Variants in TERT observed in about 807,000 individuals in gnomAD.
TERT encodes the protein telomerase reverse transcriptase.
TERT carries 42 observed loss-of-function variants against 104.0 expected under a neutral mutation model. The ratio of observed to expected loss-of-function variants is 0.40; its 90% CI spans 0.32 to 0.52. The LOEUF (loss-of-function observed/expected upper bound fraction) is 0.52. Among genes scored for constraint, TERT ranks in the 20% least tolerant of loss-of-function variants. The pLI, the probability that TERT is intolerant of heterozygous loss-of-function variation, is 0.43. For synonymous variants in TERT, 781 were observed against 725.6 expected, an observed-to-expected ratio of 1.08 and a Z score of -1.23; for missense variants, 1,101 against 1,610.3, an observed-to-expected ratio of 0.68 and a Z score of 5.41.
chr5:1,286,361 CG>C lies in TERT; in HGVS notation c.1574-3738del, dbSNP rs1250492115. ...CGGCGGGCCTGAGACAGAAGACAGACGGGGAACAAAGGAGGAAAAGCAGGGC... is the reference window on the plus strand; with the variant it reads ...CGGCGGGCCTGAGACAGAAGACAGACGGGAACAAAGGAGGAAAAGCAGGGC... On this transcript the variant is annotated intron_variant, in intron 2 of 15. Coordinates refer to ENST00000310581, the MANE Select transcript of TERT (RefSeq NM_198253.3). This position sits in a 1 kb window ranked among gnomAD's most constrained non-coding sequence, Gnocchi z 5.3. Among the ~76,000 whole-genome samples, 3 of 152,154 alleles carry C rather than the reference CG, an allele frequency of 2.0e-5. No individual in the cohort carries two copies. In the East Asian group the frequency reaches 5.8e-4, roughly 29 times the overall value.
intron 12 of TERT, among the ~76,000 whole-genome samples, chr5:1,259,214 AGG>A: frequency 7.9e-6 from 1 of 126,984 alleles, no homozygotes; most frequent in Non-Finnish European, 1.6e-5. Flanking sequence ...CACACAGGAG[AGG>A]GAGTGGACGT....
chr5:1,289,306 AC>A (rs1750706182), intron 2 of TERT, among the ~76,000 whole-genome samples: 1 of 141,934 alleles, frequency 7.0e-6, no homozygotes, highest in South Asian at 2.3e-4. Flanking sequence ...CGCCTCACTC[AC>A]CCTACACGTG....
Position 1,294,806 on chromosome 5 carries a change from C to T in TERT, c.184G>A (p.Ala62Thr). The T allele has an allele frequency of 6.6e-7, 1 of 1,516,104 alleles. No homozygotes were observed. The highest frequency in any genetic ancestry group is 8.8e-7 in the Non-Finnish European group (1 of 1,140,002). 93.9% of individuals were successfully genotyped at this position (1,516,104 alleles called of 1,614,324 possible). A position where few individuals can be genotyped will look rare whatever the true frequency, so the allele number is the denominator to read the frequency against. The change falls in exon 1 of 16, where the codon GCA (alanine) becomes ACA (threonine). Residue 62 changes from alanine (A) to threonine (T), a missense_variant. Around this residue, in one of 5 missense-constraint regions of TERT, gnomAD observed 87 missense variants for 145.4 expected, o/e 0.60. Transcript: ENST00000310581. ...AQCLVCVPWD[A>T]RPPPAAPSFR... ...GAGGGGGCGGCGGGGGGCGGCCGTGCGTCCCAGGGCACGCACACCAGGCAC... is the reference window on the plus strand; with the variant it reads ...GAGGGGGCGGCGGGGGGCGGCCGTGTGTCCCAGGGCACGCACACCAGGCAC...
chr5:1,254,330 G>C (rs367572214), intron 15 of TERT, 38 bp downstream of exon 15: 1 of 1,612,504 alleles, frequency 6.2e-7, no homozygotes, highest in African/African-American at 1.3e-5. Context: ...ATGACCCCTG[G>C]GCAGGTGGGG....
intron 13 of TERT, among the ~76,000 whole-genome samples, chr5:1,258,220 A>G (rs1747890936): frequency 6.6e-6 from 1 of 152,078 alleles, no homozygotes; most frequent in Admixed American, 6.5e-5. Flanking sequence ...TGAGACCCCA[A>G]ATCCTCCGGG....
In TERT at chr5:1,293,570, T is replaced by C. The variant is rs1274553829; in HGVS notation, c.1316A>G (p.Glu439Gly). ...EKPQGSVAAP[E>G]EEDTDPRRLV... ...GCGACGGGGGTCTGTGTCCTCCTCC[T>C]CGGGGGCCGCCACAGAGCCCTGGGG... is the stretch of plus-strand genomic sequence containing the variant. The change falls in exon 2 of 16, where the codon GAG (glutamate) becomes GGG (glycine). Residue 439 changes from glutamate (E) to glycine (G), a missense_variant. Glu to Gly is a moderately conservative substitution (Grantham distance 98, BLOSUM62 -2). Around this residue, in one of 5 missense-constraint regions of TERT, gnomAD observed 504 missense variants for 544.6 expected, o/e 0.93. Coordinates refer to ENST00000310581, the MANE Select transcript of TERT (RefSeq NM_198253.3). 1 of 1,545,604 alleles carries C rather than the reference T, an allele frequency of 6.5e-7. No homozygotes were observed.
chr5:1,276,507 A>AT, intron 6 of TERT, among the ~76,000 whole-genome samples: 1 of 150,452 alleles, frequency 6.6e-6, no homozygotes, highest in Non-Finnish European at 1.5e-5. Context: ...TACCCCACAC[A>AT]AGAAAACCAA....
Position 1,290,865 on chromosome 5 carries a change from G to A in TERT, c.1573+2448C>T, listed in dbSNP as rs371500381. Among the ~76,000 whole-genome samples, 98 of 51,026 alleles carry A rather than the reference G, an allele frequency of 1.9e-3. 2 individuals are homozygous for A. The highest frequency in any genetic ancestry group is 0.012 in the Middle Eastern group (1 of 86). 33.5% of individuals were successfully genotyped at this position (51,026 alleles called of 152,430 possible). Reference sequence around the variant, plus strand: ...CCGGGGGCCGCGCCTCACTCACCCTGCACGTGACAGGGACACCCGGGGGCC... The same window carrying A: ...CCGGGGGCCGCGCCTCACTCACCCTACACGTGACAGGGACACCCGGGGGCC... On this transcript the variant is annotated intron_variant, in intron 2 of 15. Transcript: ENST00000310581.
intron 6 of TERT, among the ~76,000 whole-genome samples, chr5:1,278,146 C>A (rs1034928524): frequency 6.6e-6 from 1 of 152,214 alleles, no homozygotes; most frequent in Non-Finnish European, 1.5e-5. Flanking sequence ...AAGGCCCAGC[C>A]CTGTGACAGG....
intron 2 of TERT, among the ~76,000 whole-genome samples, chr5:1,284,471 G>A (rs62332581): frequency 0.016 from 327 of 20,550 alleles, no homozygotes; most frequent in East Asian, 0.053. Flanking sequence ...GGCACCATCC[G>A]GACTCCATAC....
rs1240646657 is a variant in TERT, at chr5:1,294,005, T to A, written c.881A>T (p.His294Leu). The change falls in exon 2 of 16, where the codon CAC (histidine) becomes CTC (leucine). Residue 294 changes from histidine (H) to leucine (L), a missense_variant. His to Leu is a moderately conservative substitution (Grantham distance 99). Transcript: ENST00000310581. ...CTGGCGGCCCACGGATGGGTGGGAG[T>A]GGCGCGTGCCAGAGAGCGCACCCTC... ...SLEGALSGTR[H>L]SHPSVGRQHH... The A allele has an allele frequency of 6.3e-7, 1 of 1,579,738 alleles. No homozygotes were observed. The highest frequency in any genetic ancestry group is 8.6e-7 in the Non-Finnish European group (1 of 1,166,166).
rs953771214 is a variant in TERT, at chr5:1,288,938, G to A, written c.1573+4375C>T. Among the ~76,000 whole-genome samples the A allele has an allele frequency of 3.3e-5, 5 of 152,184 alleles. No homozygotes were observed. The highest frequency in any genetic ancestry group is 7.2e-5 in the African/African-American group (3 of 41,432). On this transcript the variant is annotated intron_variant, in intron 2 of 15. Coordinates refer to ENST00000310581, the MANE Select transcript of TERT (RefSeq NM_198253.3). The surrounding 1 kb of genome is among the most constrained non-coding windows in gnomAD (Gnocchi z 5.3). Reference sequence around the variant, plus strand: ...AACGGAGAGGTGACCAAGAAGAGCCGAGCATCAGAAAAGATAGGCTTGGGG... The same window carrying A: ...AACGGAGAGGTGACCAAGAAGAGCCAAGCATCAGAAAAGATAGGCTTGGGG...
In TERT at chr5:1,270,037, C is replaced by CGTGGTGGCTTCTCTGGG. The variant is rs1240979765; in HGVS notation, c.2468+1065_2468+1081dup. On this transcript the variant is annotated intron_variant, in intron 8 of 15. Transcript: ENST00000310581. This position sits in a 1 kb window ranked among gnomAD's most constrained non-coding sequence, Gnocchi z 8.3. ...AAAATTCACGACCACGAAGGAGGCC[C>CGTGGTGGCTTCTCTGGG]GTGGTGGCTTCTCTGGGGAGGTGAC... Among the ~76,000 whole-genome samples the CGTGGTGGCTTCTCTGGG allele has an allele frequency of 6.6e-5, 10 of 152,080 alleles. No individual in the cohort carries two copies. The highest frequency in any genetic ancestry group is 2.2e-4 in the African/African-American group (9 of 41,422).
intron 15 of TERT, 65 bp downstream of exon 15, chr5:1,254,303 A>C: frequency 6.2e-7 from 1 of 1,609,406 alleles, no homozygotes; most frequent in South Asian, 1.1e-5. Flanking sequence ...TGCTCGCCCC[A>C]CACAGGGCGT....
chr5:1,258,502 A>T, intron 13 of TERT, 96 bp downstream of exon 13: 4 of 1,152,890 alleles, frequency 3.5e-6, no homozygotes, highest in Non-Finnish European at 5.1e-6. Flanking sequence ...CTTGCCCCTA[A>T]AACCCAGGAG....
At position 1,293,373 on chromosome 5, in the gene TERT, G is replaced by A; in HGVS notation, c.1513C>T (p.Leu505=). Residue 505 remains leucine (L), a synonymous_variant, in exon 2 of 16, where the codon CTG becomes TTG. Transcript: ENST00000310581. ...ISLGKHAKLS[L]QELTWKMSVR... ...CTCATCTTCCACGTCAGCTCCTGCA[G>A]CGAGAGCTTGGCATGCTTCCCCAGG... The A allele has an allele frequency of 6.2e-7, 1 of 1,613,392 alleles. No individual in the cohort carries two copies. Among genetic ancestry groups the A allele is most frequent in the Non-Finnish European group, 8.5e-7 (1 of 1,180,020 alleles).
At position 1,255,144 on chromosome 5, in the gene TERT, C is replaced by G. The variant is rs923485003; in HGVS notation, c.3157+143G>C. ...CTCACCCCACGAGAGGGCGGGCAGACGAGCCTGACAGTGGTTGGGTTAAAC... is the reference window on the plus strand; with the variant it reads ...CTCACCCCACGAGAGGGCGGGCAGAGGAGCCTGACAGTGGTTGGGTTAAAC... On this transcript the variant is annotated intron_variant, in intron 14 of 15. Transcript: ENST00000310581. The surrounding 1 kb of genome is among the most constrained non-coding windows in gnomAD (Gnocchi z 6.9). 2.8e-6 allele frequency: 3 copies of G among 1,080,168 alleles called. No homozygotes were observed. Among genetic ancestry groups the G allele is most frequent in the South Asian group, 1.4e-5 (1 of 70,408 alleles). The allele number at this position is 1,080,168 out of a possible 1,614,324, so 66.9% of individuals were successfully genotyped here. A position where few individuals can be genotyped will look rare whatever the true frequency, so the allele number is the denominator to read the frequency against.
At chr5:1,289,750 G>C (rs1439496206) in intron 2 of TERT, among the ~76,000 whole-genome samples, 1 of 106,274 alleles carries the variant, frequency 9.4e-6, no homozygotes, top group Non-Finnish European at 1.9e-5. Context: ...AGGGACACCC[G>C]GGGACAGTGC....
chr5:1,276,209 G>A (rs199661293), intron 6 of TERT, among the ~76,000 whole-genome samples: 1,866 of 30,752 alleles, frequency 0.061, no homozygotes, highest in Middle Eastern at 0.077. Flanking sequence ...CCCACACATA[G>A]AAACCAATCC....
Sources: gnomAD v4.1 joint callset for allele counts (sites outside exome capture counted in the v4.1 genomes callset) on GRCh38, gnomAD v4.1.1 for gene constraint, gnomAD v4.1.1 regional missense constraint, Gnocchi (gnomAD v3.1) non-coding constraint, MANE v1.5 for transcripts, NCBI Gene and HGNC (gene_info 2026-07-23, HGNC 2026-07-21) for gene names.